Variants in TTLL5 observed in about 807,000 individuals in gnomAD.
TTLL5 encodes the protein tubulin tyrosine ligase like 5.
A neutral mutation model predicts 168.4 loss-of-function variants in TTLL5; 132 were observed. That is an observed-to-expected ratio of 0.78 (90% CI 0.68 to 0.91). TTLL5 has a LOEUF of 0.91. TTLL5 is among the 40% of genes least tolerant of loss of function. The pLI, the probability that TTLL5 is intolerant of heterozygous loss-of-function variation, is 0.00. For missense variants in TTLL5, 1,545 were observed against 1,581.5 expected (o/e 0.98, Z 0.39); for synonymous variants, 546 against 558.6 (o/e 0.98, Z 0.32).
intron 27 of TTLL5, among the ~76,000 whole-genome samples, chr14:75,807,609 A>C (rs1253377938): frequency 1.3e-5 from 2 of 152,204 alleles, no homozygotes; most frequent in African/African-American, 2.4e-5. Context: ...AAGATGAAGA[A>C]ATAGAAGCTG....
chr14:75,932,550 T>C (rs2034309763), intron 31 of TTLL5, among the ~76,000 whole-genome samples: 1 of 152,190 alleles, frequency 6.6e-6, no homozygotes, highest in Admixed American at 6.5e-5. Flanking sequence ...CCATTTTATT[T>C]TTTTTTACTG....
chr14:75,758,767 A>T (rs959745561), intron 18 of TTLL5, among the ~76,000 whole-genome samples: 2 of 152,348 alleles, frequency 1.3e-5, no homozygotes, highest in South Asian at 2.1e-4. Flanking sequence ...ATATTTGGGA[A>T]TTAAACATTT....
At chr14:75,784,074 G>T (rs1418861263) in intron 26 of TTLL5, among the ~76,000 whole-genome samples, 1 of 152,066 alleles carries the variant, frequency 6.6e-6, no homozygotes. Context: ...CAGTAATTCA[G>T]TGGTTATATA....
intron 6 of TTLL5, among the ~76,000 whole-genome samples, chr14:75,697,243 A>G (rs1387895316): frequency 6.6e-6 from 1 of 152,234 alleles, no homozygotes; most frequent in Non-Finnish European, 1.5e-5. Flanking sequence ...CTGGCTTTTT[A>G]CAAAAATAGT....
chr14:75,765,643 G>A (rs753764739), intron 19 of TTLL5, among the ~76,000 whole-genome samples: 16 of 152,098 alleles, frequency 1.1e-4, no homozygotes, highest in Non-Finnish European at 2.4e-4. Flanking sequence ...TGGGCGAATC[G>A]CTTGAGCCCA....
At chr14:75,781,622 C>G (rs766148657) in intron 24 of TTLL5, among the ~76,000 whole-genome samples, 1 of 152,092 alleles carries the variant, frequency 6.6e-6, no homozygotes, top group Non-Finnish European at 1.5e-5. Context: ...TAGAGTGATA[C>G]TATTATTGAA....
chr14:75,853,903 G>A (rs921363399), intron 28 of TTLL5, among the ~76,000 whole-genome samples: 2 of 152,036 alleles, frequency 1.3e-5, no homozygotes, highest in East Asian at 1.9e-4. Context: ...AATTAGCTGG[G>A]CGTGGTGGCA....
intron 28 of TTLL5, 93 bp from the exon 29 acceptor site, chr14:75,863,574 A>G (rs2030215014): frequency 8.0e-7 from 1 of 1,257,756 alleles, no homozygotes; most frequent in African/African-American, 1.5e-5. Flanking sequence ...GCTTGGTTCC[A>G]TATTGGAAAA....
intron 21 of TTLL5, among the ~76,000 whole-genome samples, chr14:75,772,734 C>CTCA (rs1358708828): frequency 6.6e-6 from 1 of 150,410 alleles, no homozygotes; most frequent in African/African-American, 2.5e-5. Flanking sequence ...GTGGTGCGAT[C>CTCA]TCAGCTCACT....
intron 18 of TTLL5, among the ~76,000 whole-genome samples, chr14:75,758,271 C>T (rs542537335): frequency 1.4e-4 from 21 of 152,278 alleles, no homozygotes; most frequent in African/African-American, 5.1e-4. Context: ...GTATACAAAA[C>T]ACCTGTGGAC....
chr14:75,954,769 C>G lies in TTLL5; in HGVS notation c.*323C>G. On this transcript the variant is annotated 3_prime_UTR_variant, in exon 32 of 32. Transcript: ENST00000298832. ...CATGCCCCCAAACTGCTTAGGTCTT[C>G]TCTGTCCCTTTACTGCTGCTGCACA... The G allele has an allele frequency of 2.7e-6, 1 of 367,952 alleles. No homozygotes were observed. The highest frequency in any genetic ancestry group is 5.0e-6 in the Non-Finnish European group (1 of 201,606). The allele number at this position is 367,952 out of a possible 1,614,324, so 22.8% of individuals were successfully genotyped here.
chr14:75,718,817 G>A lies in TTLL5; in HGVS notation c.842+855G>A, dbSNP rs1594920490. Among the ~76,000 whole-genome samples, 4 of 152,174 alleles carry A rather than the reference G, an allele frequency of 2.6e-5. No homozygotes were observed. The South Asian group carries it at 8.3e-4, about 32-fold the overall frequency. On this transcript the variant is annotated intron_variant, in intron 10 of 31. Transcript: ENST00000298832. ...TATTTTTGCCAGAAAGTGGAAAAGT[G>A]GAAAAGAGACCCAAATAGTTACTTT...
At chr14:75,687,070 G>A (rs145530513) in intron 5 of TTLL5, among the ~76,000 whole-genome samples, 15 of 152,138 alleles carry the variant, frequency 9.9e-5, no homozygotes, top group African/African-American at 3.6e-4. Context: ...TTTGAAATCT[G>A]TTTTAGAATA....
At chr14:75,884,608 A>G (rs1178943298) in intron 30 of TTLL5, among the ~76,000 whole-genome samples, 1 of 152,246 alleles carries the variant, frequency 6.6e-6, no homozygotes, top group Admixed American at 6.5e-5. Context: ...TTTAAGTAAT[A>G]TAATCCAGGT....
In TTLL5 at chr14:75,743,666, CCGCCTCCTGGGTTCA is replaced by C. The variant is rs1889414608; in HGVS notation, c.1282-1424_1282-1410del. On this transcript the variant is annotated intron_variant, in intron 15 of 31. Transcript: ENST00000298832. ...GCGTGATCTCAGCTCACTGCATGCT[CCGCCTCCTGGGTTCA>C]CGCCATTCTCCTGCCTCAGCCTCCC... 5.7e-5 allele frequency among the ~76,000 whole-genome samples: 8 copies of C among 141,306 alleles called. No homozygotes were observed. In the South Asian group the frequency reaches 1.8e-3, roughly 32 times the overall value. The allele number at this position is 141,306 out of a possible 152,430, so 92.7% of individuals were successfully genotyped here.
In TTLL5 at chr14:75,783,494, A is replaced by T. The variant is rs141204322; in HGVS notation, c.2950A>T (p.Ser984Cys). The change falls in exon 26 of 32, where the codon AGC (serine) becomes TGC (cysteine). Residue 984 changes from serine to cysteine, a missense_variant. Transcript: ENST00000298832. ...CTTCCAAAGTGCTGCACACATCTAT[A>T]GCCAGAAACTGTCTCGTCCCTCTTC... ...SSFQSAAHIY[S>C]QKLSRPSSAK... 3.8e-4 allele frequency: 607 copies of T among 1,614,138 alleles called. No individual in the cohort carries two copies. Among genetic ancestry groups the T allele is most frequent in the Middle Eastern group, 1.5e-3 (9 of 6,058 alleles).
At chr14:75,923,609 T>C (rs1193613024) in intron 31 of TTLL5, among the ~76,000 whole-genome samples, 1 of 152,212 alleles carries the variant, frequency 6.6e-6, no homozygotes, top group East Asian at 1.9e-4. Context: ...TTACATTTGC[T>C]GAGGAGTGCT....
chr14:75,834,739 G>T (rs892306412), intron 28 of TTLL5, among the ~76,000 whole-genome samples: 4 of 152,056 alleles, frequency 2.6e-5, no homozygotes, highest in Non-Finnish European at 5.9e-5. Flanking sequence ...CCTTTAACAA[G>T]AACCACAATT....
At chr14:75,663,919 A>G (rs531416603) in intron 2 of TTLL5, among the ~76,000 whole-genome samples, 2 of 152,244 alleles carry the variant, frequency 1.3e-5, no homozygotes, top group African/African-American at 4.8e-5. Flanking sequence ...CCCCATCTCT[A>G]CTAAAAAAAC....
Sources: gnomAD v4.1 joint callset for allele counts (sites outside exome capture counted in the v4.1 genomes callset) on GRCh38, gnomAD v4.1.1 for gene constraint, MANE v1.5 for transcripts, NCBI Gene and HGNC (gene_info 2026-07-23, HGNC 2026-07-21) for gene names.